Variants in TYW1 observed in about 807,000 individuals in gnomAD.
TYW1 encodes the protein S-adenosyl-L-methionine-dependent tRNA 4-demethylwyosine synthase TYW1.
TYW1 carries 46 observed loss-of-function variants against 96.2 expected under a neutral mutation model. The observed-to-expected ratio is 0.48, with a 90% CI of 0.38 to 0.61. The LOEUF is 0.61. Among genes scored for constraint, TYW1 ranks in the 20% least tolerant of loss-of-function variants. The probability of loss-of-function intolerance (pLI) is 0.00; values close to 1 mark genes in which losing one functional copy is unlikely to be tolerated. For synonymous variants in TYW1, 274 were observed against 323.0 expected (o/e 0.85, Z 1.63); for missense variants, 684 against 909.6 (o/e 0.75, Z 3.19).
At chr7:67,230,862 A>G (rs1476729450) in intron 15 of TYW1, among the ~76,000 whole-genome samples, 2 of 149,872 alleles carry the variant, frequency 1.3e-5, no homozygotes. Flanking sequence ...CTGGTCTTGA[A>G]CTCCTGACCT....
At chr7:67,069,477 G>A (rs1375443670) in intron 10 of TYW1, among the ~76,000 whole-genome samples, 1 of 152,208 alleles carries the variant, frequency 6.6e-6, no homozygotes, top group Non-Finnish European at 1.5e-5. Context: ...AGTGGCTTAT[G>A]CCTGTAATAC....
chr7:67,227,205 T>G (rs914277901), intron 15 of TYW1, among the ~76,000 whole-genome samples: 7 of 152,320 alleles, frequency 4.6e-5, no homozygotes, highest in Non-Finnish European at 1.0e-4. Flanking sequence ...TCCTGCCTGA[T>G]AAGAGTACCT....
chr7:67,195,348 C>T lies in TYW1; in HGVS notation c.1977+11C>T. 6.2e-7 allele frequency: 1 copy of T among 1,613,286 alleles called. No individual in the cohort carries two copies. Among genetic ancestry groups the T allele is most frequent in the Non-Finnish European group, 8.5e-7 (1 of 1,179,562 alleles). On this transcript the variant is annotated intron_variant, in intron 15 of 15. Coordinates refer to ENST00000359626, the MANE Select transcript of TYW1 (RefSeq NM_018264.4). The stretch of plus-strand genomic sequence containing the variant: ...ATAGCACACAGAAAGGTAAGAATAA[C>T]TCAAACATGGATTCTTCTGTTCCCC...
At chr7:67,145,833 C>T (rs746150037) in intron 13 of TYW1, among the ~76,000 whole-genome samples, 1 of 152,318 alleles carries the variant, frequency 6.6e-6, no homozygotes. Context: ...CAGCTCACTG[C>T]AGCCTCTGCC....
At chr7:67,220,365 G>A (rs998620715) in intron 15 of TYW1, among the ~76,000 whole-genome samples, 68 of 151,524 alleles carry the variant, frequency 4.5e-4, no homozygotes, top group African/African-American at 1.5e-3. Flanking sequence ...CACCATGCCT[G>A]GCTAATTTTT....
At chr7:67,094,651 A>AGGGTGT (rs745340578) in intron 11 of TYW1, among the ~76,000 whole-genome samples, 207 of 141,716 alleles carry the variant, frequency 1.5e-3, no homozygotes, top group Middle Eastern at 3.5e-3. Flanking sequence ...AGAGAATTAG[A>AGGGTGT]GTGTGTGTGT....
chr7:67,092,631 A>ATTGCCC (rs1181973403), intron 11 of TYW1, among the ~76,000 whole-genome samples: 2 of 125,782 alleles, frequency 1.6e-5, no homozygotes, highest in Admixed American at 8.2e-5. Context: ...CCACATCTTC[A>ATTGCCC]TTGCCCTGCT....
intron 14 of TYW1, among the ~76,000 whole-genome samples, chr7:67,189,704 G>A (rs1800150233): frequency 6.6e-6 from 1 of 152,042 alleles, no homozygotes; most frequent in African/African-American, 2.4e-5. Context: ...TGTATGCCCA[G>A]ATTCATTAAG....
intron 7 of TYW1, among the ~76,000 whole-genome samples, chr7:67,035,654 G>GCAAT (rs1455385558): frequency 6.6e-6 from 1 of 152,010 alleles, no homozygotes; most frequent in Non-Finnish European, 1.5e-5. Context: ...CATGCACAAG[G>GCAAT]CAATGCCTGG....
intron 3 of TYW1, among the ~76,000 whole-genome samples, chr7:67,003,990 G>C (rs1481735369): frequency 1.3e-5 from 2 of 152,164 alleles, no homozygotes; most frequent in Admixed American, 1.3e-4. Context: ...GTTGCAGTGA[G>C]CCAAGATGGC....
intron 14 of TYW1, among the ~76,000 whole-genome samples, 153 bp from the exon 15 acceptor site, chr7:67,195,017 G>A (rs2116342112): frequency 6.7e-6 from 1 of 148,822 alleles, no homozygotes; most frequent in East Asian, 1.9e-4. Context: ...CTCCTAGGCA[G>A]ATTTTATCAT....
rs778743156 is a variant in TYW1 at position 67,032,885 on chromosome 7, C to CTTTTTTTTTTTTTT, written c.984+7879_984+7892dup. 2.9e-4 allele frequency among the ~76,000 whole-genome samples: 22 copies of CTTTTTTTTTTTTTT among 76,276 alleles called. 3 individuals are homozygous for CTTTTTTTTTTTTTT. Among genetic ancestry groups the CTTTTTTTTTTTTTT allele is most frequent in the African/African-American group, 6.0e-4 (10 of 16,650 alleles). The allele number at this position is 76,276 out of a possible 152,430, so 50.0% of individuals were successfully genotyped here. On this transcript the variant is annotated intron_variant, in intron 7 of 15. Coordinates refer to ENST00000359626, the MANE Select transcript of TYW1 (RefSeq NM_018264.4). ...ATTTTCCAGCAGCAGAGAAGTATAC[C>CTTTTTTTTTTTTTT]TTTTTTTTTTTTTTTTTTTTTTTTT...
chr7:67,208,838 G>T (rs1460570686), intron 15 of TYW1, among the ~76,000 whole-genome samples: 2 of 152,008 alleles, frequency 1.3e-5, no homozygotes, highest in Non-Finnish European at 2.9e-5. Context: ...CTTATGATCT[G>T]TATCACCCTA....
rs1388432409 is a variant in TYW1 at position 67,029,411 on chromosome 7, G to GTATATATATATA, written c.984+4390_984+4391insATATATATATAT. Among the ~76,000 whole-genome samples the GTATATATATATA allele has an allele frequency of 6.5e-5, 7 of 106,916 alleles. 1 individual carries two copies. The East Asian group carries it at 1.1e-3, about 17-fold the overall frequency. 70.1% of individuals were successfully genotyped at this position (106,916 alleles called of 152,430 possible). ...TGTGTGTGTGTGTGTGTGTGTGTGTGTGTGTATATATATATATATATAAAT... is the reference window on the plus strand; with the variant it reads ...TGTGTGTGTGTGTGTGTGTGTGTGTGTATATATATATATGTGTATATATATATATATATAAAT... On this transcript the variant is annotated intron_variant, in intron 7 of 15. Coordinates refer to ENST00000359626, the MANE Select transcript of TYW1 (RefSeq NM_018264.4).
At chr7:67,166,332 A>ATATATATATATGTTATATATT (rs1491143794) in intron 13 of TYW1, among the ~76,000 whole-genome samples, 1 of 109,396 alleles carries the variant, frequency 9.1e-6, no homozygotes, top group Non-Finnish European at 2.0e-5. Flanking sequence ...TAACATATAT[A>ATATATATATATGTTATATATT]ATATATATAA....
chr7:67,200,105 C>T (rs887042105), intron 15 of TYW1, among the ~76,000 whole-genome samples: 14 of 152,310 alleles, frequency 9.2e-5, no homozygotes, highest in Admixed American at 9.1e-4. Context: ...GACTGAAAAT[C>T]AGTGTGATCA....
At chr7:67,143,650 A>T (rs1237110368) in intron 13 of TYW1, among the ~76,000 whole-genome samples, 1 of 152,140 alleles carries the variant, frequency 6.6e-6, no homozygotes, top group African/African-American at 2.4e-5. Context: ...GGGGAGTGGA[A>T]TGACAGTGGA....
chr7:67,201,621 C>T (rs1298009399), intron 15 of TYW1, among the ~76,000 whole-genome samples: 7 of 151,664 alleles, frequency 4.6e-5, no homozygotes, highest in African/African-American at 7.3e-5. Context: ...TGGGTTGACT[C>T]GGTGACGTCA....
chr7:67,067,299 G>T lies in TYW1; in HGVS notation c.1170G>T (p.Gly390=). ...ACTTGTCATAGTCCATGCTCCGAGG[G>T]AGAGGAGGTTGTTACAAACACACAT... ...LCRWTKSMLR[G]RGGCYKHTFY... The change falls in exon 10 of 16, where the codon GGG becomes GGT. Residue 390 remains glycine, a synonymous_variant. Coordinates refer to ENST00000359626, the MANE Select transcript of TYW1 (RefSeq NM_018264.4). 1 of 1,613,984 alleles carries T rather than the reference G, an allele frequency of 6.2e-7. No homozygotes were observed. Among genetic ancestry groups the T allele is most frequent in the Non-Finnish European group, 8.5e-7 (1 of 1,179,858 alleles).
Sources: allele counts gnomAD v4.1 joint callset (sites outside exome capture counted in the v4.1 genomes callset), GRCh38; gene constraint gnomAD v4.1.1; transcripts MANE v1.5; gene names NCBI Gene and HGNC (gene_info 2026-07-23, HGNC 2026-07-21).